PPFIBP1: variants seen among roughly 807,000 people sequenced by gnomAD.
PPFIBP1 encodes the protein PPFIB scaffold protein 1, also known as liprin-beta-1.
A neutral mutation model predicts 137.8 loss-of-function variants in PPFIBP1; 112 were observed. The ratio of observed to expected loss-of-function variants is 0.81; its 90% CI spans 0.70 to 0.95. The LOEUF is 0.95. Ranked by LOEUF, PPFIBP1 falls within the 40% of genes least tolerant of loss-of-function variation. The pLI is 0.00. For missense variants in PPFIBP1, 1,083 were observed against 1,196.6 expected, an observed-to-expected ratio of 0.91 and a Z score of 1.40; for synonymous variants, 378 against 417.3, an observed-to-expected ratio of 0.91 and a Z score of 1.15.
chr12:27,600,914 A>G (rs1233893878), intron 2 of PPFIBP1, among the ~76,000 whole-genome samples: 2 of 152,238 alleles, frequency 1.3e-5, no homozygotes, highest in African/African-American at 4.8e-5. Flanking sequence ...TGGAATGGTC[A>G]TAGCAAGCTA....
At chr12:27,608,637 C>T (rs2054772829) in intron 2 of PPFIBP1, 2 of 424,354 alleles carry the variant, frequency 4.7e-6, no homozygotes, top group Non-Finnish European at 8.9e-6. Flanking sequence ...TCTAGAACTA[C>T]TAAAAAACTT....
At chr12:27,661,914 T>C (rs2059577995) in intron 11 of PPFIBP1, among the ~76,000 whole-genome samples, 1 of 152,122 alleles carries the variant, frequency 6.6e-6, no homozygotes, top group African/African-American at 2.4e-5. Flanking sequence ...TTTCCCACTA[T>C]TGAATAAAAA....
chr12:27,624,098 G>A (rs2056594760), intron 2 of PPFIBP1, among the ~76,000 whole-genome samples: 1 of 152,028 alleles, frequency 6.6e-6, no homozygotes, highest in Non-Finnish European at 1.5e-5. Flanking sequence ...GCAGTAGGGG[G>A]ATCAGTGCAT....
rs182027437 is a variant in PPFIBP1 at position 27,550,100 on chromosome 12, G to A, written c.-124+25735G>A. Among the ~76,000 whole-genome samples, 285 of 152,338 alleles carry A rather than the reference G, an allele frequency of 1.9e-3. 3 individuals are homozygous for A. The highest frequency in any genetic ancestry group is 6.7e-3 in the African/African-American group (277 of 41,586). On this transcript the variant is annotated intron_variant, in intron 1 of 29. Coordinates refer to ENST00000228425, the MANE Select transcript of PPFIBP1 (RefSeq NM_003622.4). The stretch of plus-strand genomic sequence containing the variant: ...CAAAACTGTTGTTAATATATGCCAA[G>A]AGTTATAACTAAATTTGTAAAAAGC...
chr12:27,555,690 A>T (rs1350776441), intron 1 of PPFIBP1, among the ~76,000 whole-genome samples: 6 of 152,228 alleles, frequency 3.9e-5, no homozygotes, highest in Non-Finnish European at 5.9e-5. Context: ...AGATGATCAG[A>T]ATTAAATTCT....
At chr12:27,627,131 T>C (rs2056886399) in intron 2 of PPFIBP1, among the ~76,000 whole-genome samples, 1 of 152,222 alleles carries the variant, frequency 6.6e-6, no homozygotes, top group African/African-American at 2.4e-5. Context: ...CTTTTAGTTA[T>C]TTATAAATGT....
chr12:27,581,658 T>C (rs566906876), intron 2 of PPFIBP1, among the ~76,000 whole-genome samples: 2 of 152,316 alleles, frequency 1.3e-5, no homozygotes, highest in South Asian at 4.1e-4. Context: ...TTCTATCTCC[T>C]GACTGTCTTT....
At chr12:27,636,794 C>G (rs545604704) in intron 4 of PPFIBP1, 7 of 152,238 alleles carry the variant, frequency 4.6e-5, no homozygotes, top group Non-Finnish European at 1.0e-4. Context: ...GATTTGCCCC[C>G]CATGACTTTC....
chr12:27,558,041 C>T (rs1412489882), intron 1 of PPFIBP1, among the ~76,000 whole-genome samples: 9 of 152,140 alleles, frequency 5.9e-5, no homozygotes, highest in Admixed American at 3.3e-4. Flanking sequence ...ATAGCCTTAT[C>T]GTACTCCACA....
chr12:27,586,096 C>T (rs2051713696), intron 2 of PPFIBP1, among the ~76,000 whole-genome samples: 2 of 152,136 alleles, frequency 1.3e-5, no homozygotes, highest in South Asian at 2.1e-4. Flanking sequence ...GTGCCAGGTA[C>T]GAATTCTTAC....
At chr12:27,588,158 C>A (rs1320713035) in intron 2 of PPFIBP1, among the ~76,000 whole-genome samples, 2 of 152,192 alleles carry the variant, frequency 1.3e-5, no homozygotes. Context: ...TCAGAAGGTG[C>A]ATGATATTAG....
chr12:27,619,511 A>G (rs1223354822), intron 2 of PPFIBP1, among the ~76,000 whole-genome samples: 3 of 152,320 alleles, frequency 2.0e-5, no homozygotes, highest in African/African-American at 7.2e-5. Context: ...TGACTCACCC[A>G]GAAGATATTT....
At chr12:27,669,875 A>G (rs1215590898) in intron 13 of PPFIBP1, among the ~76,000 whole-genome samples, 2 of 152,216 alleles carry the variant, frequency 1.3e-5, no homozygotes, top group African/African-American at 4.8e-5. Flanking sequence ...GGTCCAGTAC[A>G]TTCTCTTCTA....
rs544146294 is a variant in PPFIBP1 at position 27,633,367 on chromosome 12, G to A, written c.-30G>A. On this transcript the variant is annotated 5_prime_UTR_variant, in exon 3 of 30. Coordinates refer to ENST00000228425, the MANE Select transcript of PPFIBP1 (RefSeq NM_003622.4). ...ATAACCTTATTTTTTTTCAGATCTG[G>A]GTTGGAATTTGCCCCTGACAAATAA... 7 of 1,607,556 alleles carry A rather than the reference G, an allele frequency of 4.4e-6. No individual in the cohort carries two copies. The African/African-American group carries it at 6.7e-5, about 15-fold the overall frequency.
chr12:27,549,317 T>C (rs1203233909), intron 1 of PPFIBP1: 3 of 152,206 alleles, frequency 2.0e-5, no homozygotes, highest in Admixed American at 2.0e-4. Flanking sequence ...CGATTTAACT[T>C]TGTGCACATC....
At chr12:27,590,686 G>T (rs1197818004) in intron 2 of PPFIBP1, among the ~76,000 whole-genome samples, 1 of 152,194 alleles carries the variant, frequency 6.6e-6, no homozygotes, top group African/African-American at 2.4e-5. Context: ...CCCTAGAGCA[G>T]GTTCTTTAAG....
chr12:27,638,086 C>G (rs114600612), intron 4 of PPFIBP1, among the ~76,000 whole-genome samples: 1 of 151,742 alleles, frequency 6.6e-6, no homozygotes, highest in East Asian at 1.9e-4. Context: ...ATACTTACTG[C>G]ACATAGAATT....
At chr12:27,662,396 A>G (rs1479786292) in intron 11 of PPFIBP1, among the ~76,000 whole-genome samples, 1 of 152,226 alleles carries the variant, frequency 6.6e-6, no homozygotes, top group African/African-American at 2.4e-5. Flanking sequence ...AGGCAGTGAC[A>G]TGATTACATT....
rs1593441248 is a variant in PPFIBP1, at chr12:27,693,048, G to T, written c.*166G>T. 8.9e-7 allele frequency: 1 copy of T among 1,126,472 alleles called. No homozygotes were observed. The highest frequency in any genetic ancestry group is 2.7e-5 in the East Asian group (1 of 36,504). The allele number at this position is 1,126,472 out of a possible 1,614,324, so 69.8% of individuals were successfully genotyped here. A position where few individuals can be genotyped will look rare whatever the true frequency, so the allele number is the denominator to read the frequency against. On this transcript the variant is annotated 3_prime_UTR_variant, in exon 30 of 30. Transcript: ENST00000228425. ...GCAGGAGTAATGTGCCGATTCTGAA[G>T]TTGCCACAAAAAATAAGACACTGGT...
Sources: allele counts gnomAD v4.1 joint callset (sites outside exome capture counted in the v4.1 genomes callset), GRCh38; gene constraint gnomAD v4.1.1; transcripts MANE v1.5; gene names NCBI Gene and HGNC (gene_info 2026-07-23, HGNC 2026-07-21).